COL22A1: variants seen among roughly 807,000 people sequenced by gnomAD.
COL22A1 encodes collagen alpha-1(XXII) chain.
In COL22A1, 221 loss-of-function variants were observed where a neutral mutation model predicts 248.9. The observed-to-expected ratio is 0.89, with a 90% CI of 0.80 to 0.99. The LOEUF (loss-of-function observed/expected upper bound fraction) is 0.99. Ranked by LOEUF, COL22A1 falls within the 50% of genes least tolerant of loss-of-function variation. The probability of loss-of-function intolerance (pLI) is 0.00; values close to 1 mark genes in which losing one functional copy is unlikely to be tolerated. For missense variants in COL22A1, 2,240 were observed against 2,179.0 expected, an observed-to-expected ratio of 1.03 and a Z score of -0.56; for synonymous variants, 891 against 793.4, an observed-to-expected ratio of 1.12 and a Z score of -2.07.
rs769072725 is a variant in COL22A1 at position 138,737,530 on chromosome 8, C to T, written c.2133G>A (p.Gly711=). 5 of 1,608,078 alleles carry T rather than the reference C, an allele frequency of 3.1e-6. No homozygotes were observed. In the East Asian group the frequency reaches 8.9e-5, roughly 29 times the overall value. Residue 711 remains glycine, a synonymous_variant, in exon 23 of 65, where the codon GGG becomes GGA. Transcript: ENST00000303045. ...GAATGTAAAAGGTAGTTACCTGCAGCCCCAGCAATCCAGGGATTCCAGGTG... is the reference window on the plus strand; with the variant it reads ...GAATGTAAAAGGTAGTTACCTGCAGTCCCAGCAATCCAGGGATTCCAGGTG... ...MGPPGIPGLL[G]LQGPPGPPGV...
chr8:138,858,110 T>C (rs1235188061), intron 3 of COL22A1, among the ~76,000 whole-genome samples: 1 of 152,210 alleles, frequency 6.6e-6, no homozygotes, highest in Non-Finnish European at 1.5e-5. Context: ...CCTTGCTGCC[T>C]CTGTTCTGTT....
intron 3 of COL22A1, among the ~76,000 whole-genome samples, chr8:138,872,716 C>G (rs532044871): frequency 4.6e-5 from 7 of 152,224 alleles, no homozygotes; most frequent in Non-Finnish European, 1.0e-4. Flanking sequence ...AATGGAGAAG[C>G]AGGAGTTGAT....
intron 4 of COL22A1, among the ~76,000 whole-genome samples, chr8:138,840,366 G>A (rs1483687293): frequency 6.6e-6 from 1 of 152,006 alleles, no homozygotes; most frequent in Admixed American, 6.5e-5. Context: ...TCTTTTCCAG[G>A]GAGACTCCAA....
rs367820676 is a variant in COL22A1 at position 138,588,429 on chromosome 8, TA to T, written c.*823del. 4 of 152,306 alleles carry T rather than the reference TA, an allele frequency of 2.6e-5. No homozygotes were observed. The highest frequency in any genetic ancestry group is 9.6e-5 in the African/African-American group (4 of 41,570). The allele number at this position is 152,306 out of a possible 1,614,324, so 9.4% of individuals were successfully genotyped here. ...GGATGGTCACCACATCCACTTGTTT[TA>T]TAATTAATATAATTGAAACCAACAA... On this transcript the variant is annotated 3_prime_UTR_variant, in exon 65 of 65. Transcript: ENST00000303045.
chr8:138,813,573 A>G (rs1028162154), intron 7 of COL22A1, among the ~76,000 whole-genome samples: 2 of 152,194 alleles, frequency 1.3e-5, no homozygotes, highest in African/African-American at 4.8e-5. Context: ...GAACAGACTA[A>G]TACAACCCCT....
intron 17 of COL22A1, among the ~76,000 whole-genome samples, chr8:138,761,932 T>G (rs952922160): frequency 2.0e-5 from 3 of 152,192 alleles, no homozygotes; most frequent in African/African-American, 7.2e-5. Flanking sequence ...CTTTTCTTTA[T>G]TTTCCACTGA....
intron 1 of COL22A1, among the ~76,000 whole-genome samples, chr8:138,890,953 G>A (rs553593724): frequency 2.7e-4 from 41 of 152,166 alleles, no homozygotes; most frequent in African/African-American, 8.9e-4. Flanking sequence ...AACCCAGGAG[G>A]TGGAGGTTGC....
intron 39 of COL22A1, among the ~76,000 whole-genome samples, chr8:138,681,393 T>C (rs1825952733): frequency 6.6e-6 from 1 of 152,076 alleles, no homozygotes. Flanking sequence ...CCCAAAGATA[T>C]AGCTACAGAA....
chr8:138,643,909 G>A (rs1370940752), intron 47 of COL22A1, among the ~76,000 whole-genome samples: 1 of 152,064 alleles, frequency 6.6e-6, no homozygotes, highest in African/African-American at 2.4e-5. Flanking sequence ...TGTTGGCCAA[G>A]TAGCTGGAAT....
chr8:138,777,192 C>T (rs529263274), intron 15 of COL22A1, among the ~76,000 whole-genome samples: 16 of 152,278 alleles, frequency 1.1e-4, no homozygotes, highest in South Asian at 6.2e-4. Flanking sequence ...GTAGAGATAG[C>T]GGGTGCCACC....
intron 2 of COL22A1, among the ~76,000 whole-genome samples, chr8:138,882,756 T>C (rs1824331256): frequency 6.8e-6 from 1 of 147,774 alleles, no homozygotes; most frequent in Admixed American, 6.7e-5. Context: ...ACACATTCCC[T>C]CTCACTCCCT....
intron 49 of COL22A1, among the ~76,000 whole-genome samples, chr8:138,634,567 G>A (rs577219364): frequency 1.3e-5 from 2 of 152,262 alleles, no homozygotes; most frequent in South Asian, 4.1e-4. Context: ...TACAGCTACT[G>A]TAAAAGCAGA....
chr8:138,743,971 T>C (rs948019380), intron 22 of COL22A1, among the ~76,000 whole-genome samples: 8 of 152,170 alleles, frequency 5.3e-5, no homozygotes, highest in African/African-American at 1.9e-4. Flanking sequence ...ATATGTGCCG[T>C]ATGGTCTTCT....
chr8:138,712,314 G>T (rs76788768), intron 30 of COL22A1, among the ~76,000 whole-genome samples: 1 of 152,148 alleles, frequency 6.6e-6, no homozygotes, highest in Non-Finnish European at 1.5e-5. Flanking sequence ...TCCTATGAGG[G>T]GTTTGGGGCA....
chr8:138,751,395 A>G (rs1450883198), intron 22 of COL22A1, 63 bp downstream of exon 22: 5 of 1,143,942 alleles, frequency 4.4e-6, no homozygotes, highest in Non-Finnish European at 6.4e-6. Context: ...TCTGCATGGC[A>G]TTATAAAATA....
At chr8:138,716,656 C>A (rs771112618) in intron 28 of COL22A1, among the ~76,000 whole-genome samples, 169 bp downstream of exon 28, 1 of 152,166 alleles carries the variant, frequency 6.6e-6, no homozygotes. Flanking sequence ...GGCCACCACT[C>A]GTGACATCTG....
intron 59 of COL22A1, among the ~76,000 whole-genome samples, chr8:138,603,322 T>C (rs1818182444): frequency 6.6e-6 from 1 of 152,206 alleles, no homozygotes; most frequent in East Asian, 1.9e-4. Flanking sequence ...GCTGCCTCGG[T>C]ATTCCTGGAT....
chr8:138,619,591 T>C (rs964810234), intron 52 of COL22A1, 83 bp from the exon 53 acceptor site: 1 of 1,348,892 alleles, frequency 7.4e-7, no homozygotes, highest in Non-Finnish European at 1.1e-6. Flanking sequence ...TTCCTACCAA[T>C]CTATTCCCAC....
chr8:138,865,328 G>A (rs147962614), intron 3 of COL22A1, among the ~76,000 whole-genome samples: 2,560 of 152,238 alleles, frequency 0.017, 31 homozygotes, highest in Non-Finnish European at 0.026. Flanking sequence ...GCTGTGTAGT[G>A]AGTATGTATG....
Sources: gnomAD v4.1 joint callset for allele counts (sites outside exome capture counted in the v4.1 genomes callset) on GRCh38, gnomAD v4.1.1 for gene constraint, MANE v1.5 for transcripts, NCBI Gene and HGNC (gene_info 2026-07-23, HGNC 2026-07-21) for gene names.